Variants in CADPS2 observed in about 807,000 individuals in gnomAD.
CADPS2 encodes the protein calcium-dependent secretion activator 2.
Under a neutral mutation model 172.5 loss-of-function variants are expected in CADPS2, and 93 were observed. The ratio of observed to expected loss-of-function variants is 0.54; its 90% confidence interval spans 0.46 to 0.64. CADPS2 has a LOEUF of 0.64. CADPS2 is among the 30% of genes least tolerant of loss of function. The pLI is 0.00. For missense variants in CADPS2, 1,420 were observed against 1,565.9 expected (o/e 0.91, Z 1.57); for synonymous variants, 546 against 555.2 (o/e 0.98, Z 0.23).
chr7:122,700,800 G>A lies in CADPS2; in HGVS notation c.453+36155C>T, dbSNP rs541636514. ...AGAAAAGAAATCTGCTACCATAGCT[G>A]AGTCACTATGCTAGGATTTAAAGAG... On this transcript the variant is annotated intron_variant, in intron 2 of 29. Transcript: ENST00000449022. Among the ~76,000 whole-genome samples, 358 of 152,242 alleles carry A rather than the reference G, an allele frequency of 2.4e-3. 2 individuals are homozygous for A. The highest frequency in any genetic ancestry group is 6.8e-3 in the Middle Eastern group (2 of 292).
chr7:122,438,530 C>G (rs918251681), intron 16 of CADPS2, 66 bp from the exon 17 acceptor site: 168 of 1,535,436 alleles, frequency 1.1e-4, no homozygotes, highest in Non-Finnish European at 1.5e-4. Flanking sequence ...AGAAAAAAGA[C>G]AGATGTTGCA....
chr7:122,844,760 C>A (rs1222655830), intron 1 of CADPS2, among the ~76,000 whole-genome samples: 1 of 152,092 alleles, frequency 6.6e-6, no homozygotes, highest in Non-Finnish European at 1.5e-5. Flanking sequence ...TCCAGGAAGT[C>A]TGATGTGATT....
At chr7:122,557,110 G>A (rs886457466) in intron 7 of CADPS2, among the ~76,000 whole-genome samples, 3 of 152,098 alleles carry the variant, frequency 2.0e-5, no homozygotes, top group Admixed American at 6.6e-5. Flanking sequence ...CCACAGATAC[G>A]AAATCTTCTG....
At chr7:122,570,591 T>A (rs1223034872) in intron 7 of CADPS2, among the ~76,000 whole-genome samples, 27 of 148,494 alleles carry the variant, frequency 1.8e-4, no homozygotes, top group Non-Finnish European at 3.3e-4. Context: ...CATGTATGTT[T>A]ATTGTGGCAC....
At chr7:122,593,461 C>T (rs1027359342) in intron 6 of CADPS2, among the ~76,000 whole-genome samples, 2 of 151,880 alleles carry the variant, frequency 1.3e-5, no homozygotes, top group African/African-American at 2.4e-5. Flanking sequence ...TGAAAAGACC[C>T]GGGGCGAGCA....
In CADPS2 at chr7:122,572,705, C is replaced by T. The variant is rs951980803; in HGVS notation, c.1335+8474G>A. Among the ~76,000 whole-genome samples, 6 of 152,124 alleles carry T rather than the reference C, an allele frequency of 3.9e-5. No individual in the cohort carries two copies. In the East Asian group the frequency reaches 1.2e-3, roughly 29 times the overall value. On this transcript the variant is annotated intron_variant, in intron 7 of 29. Coordinates refer to ENST00000449022, the MANE Select transcript of CADPS2 (RefSeq NM_017954.11). ...TAGATTTTTATATGGCTATGTTAGG[C>T]AAAACTTGCTTTTCAAGTTTTTCAG... is the stretch of plus-strand genomic sequence containing the variant.
chr7:122,385,079 AG>A (rs1002470935), intron 24 of CADPS2, among the ~76,000 whole-genome samples: 3 of 152,078 alleles, frequency 2.0e-5, no homozygotes, highest in Admixed American at 1.3e-4. Context: ...TAATATTCTC[AG>A]GCAGACAATC....
At chr7:122,843,037 G>GA (rs1173263172) in intron 1 of CADPS2, among the ~76,000 whole-genome samples, 1 of 152,014 alleles carries the variant, frequency 6.6e-6, no homozygotes, top group East Asian at 1.9e-4. Flanking sequence ...AGACACAAGG[G>GA]AAAAAATGCT....
At chr7:122,349,597 G>C (rs973893294) in intron 27 of CADPS2, among the ~76,000 whole-genome samples, 2 of 152,102 alleles carry the variant, frequency 1.3e-5, no homozygotes, top group Non-Finnish European at 2.9e-5. Context: ...AAGAACTATG[G>C]GAGGAAATGA....
chr7:122,587,806 T>C (rs1484570368), intron 6 of CADPS2, among the ~76,000 whole-genome samples: 1 of 152,136 alleles, frequency 6.6e-6, no homozygotes, highest in Non-Finnish European at 1.5e-5. Context: ...TCCACAATGG[T>C]TGAACTAATT....
chr7:122,418,759 G>A (rs1398736433), intron 17 of CADPS2, among the ~76,000 whole-genome samples: 4 of 152,280 alleles, frequency 2.6e-5, no homozygotes, highest in East Asian at 3.9e-4. Context: ...ATGGCTCAGA[G>A]AATGATGATG....
chr7:122,794,330 T>C (rs1485013856), intron 1 of CADPS2, among the ~76,000 whole-genome samples: 1 of 152,130 alleles, frequency 6.6e-6, no homozygotes, highest in Non-Finnish European at 1.5e-5. Flanking sequence ...TCTTGTCTAA[T>C]TGTCTTATTT....
intron 14 of CADPS2, among the ~76,000 whole-genome samples, chr7:122,464,641 T>C (rs1001547074): frequency 2.0e-5 from 3 of 152,170 alleles, no homozygotes; most frequent in African/African-American, 7.2e-5. Context: ...TTCATCTCTT[T>C]ACAAAAACTC....
At chr7:122,827,601 C>T (rs1385567323) in intron 1 of CADPS2, among the ~76,000 whole-genome samples, 1 of 147,666 alleles carries the variant, frequency 6.8e-6, no homozygotes, top group African/African-American at 2.5e-5. Context: ...CATTGCACTC[C>T]AGCCTGGGCA....
chr7:122,879,000 C>T (rs1822108916), intron 1 of CADPS2, among the ~76,000 whole-genome samples: 1 of 152,104 alleles, frequency 6.6e-6, no homozygotes, highest in Non-Finnish European at 1.5e-5. Context: ...TTTTGGGAGG[C>T]TGAGGCGGGC....
chr7:122,687,914 T>C (rs1378420539), intron 2 of CADPS2, among the ~76,000 whole-genome samples: 1 of 152,262 alleles, frequency 6.6e-6, no homozygotes, highest in Non-Finnish European at 1.5e-5. Flanking sequence ...GTTAATTTTT[T>C]ACATTTATCT....
In CADPS2 at chr7:122,508,449, GTTTTTTTTT is replaced by G. The variant is rs1205155217; in HGVS notation, c.1542+4791_1542+4799del. Among the ~76,000 whole-genome samples the G allele has an allele frequency of 9.6e-4, 66 of 68,426 alleles. 1 individual carries two copies. The highest frequency in any genetic ancestry group is 1.8e-3 in the African/African-American group (36 of 19,714). The allele number at this position is 68,426 out of a possible 152,430, so 44.9% of individuals were successfully genotyped here. A position where few individuals can be genotyped will look rare whatever the true frequency, so the allele number is the denominator to read the frequency against. Reference sequence around the variant, plus strand: ...TCCAGTTATTTATTTATTCATTTAAGTTTTTTTTTTTTTTTTTTTTTTTTTTTTTTCTGG... The same window carrying G: ...TCCAGTTATTTATTTATTCATTTAAGTTTTTTTTTTTTTTTTTTTTTCTGG... On this transcript the variant is annotated intron_variant, in intron 9 of 29. Coordinates refer to ENST00000449022, the MANE Select transcript of CADPS2 (RefSeq NM_017954.11).
intron 2 of CADPS2, among the ~76,000 whole-genome samples, chr7:122,676,165 A>C (rs1461045117): frequency 6.6e-6 from 1 of 152,208 alleles, no homozygotes; most frequent in African/African-American, 2.4e-5. Flanking sequence ...TAAATTATTA[A>C]AATATTCTTT....
Position 122,626,158 on chromosome 7 carries a change from T to C in CADPS2, c.867+3090A>G, listed in dbSNP as rs563269157. Among the ~76,000 whole-genome samples, 6 of 151,442 alleles carry C rather than the reference T, an allele frequency of 4.0e-5. No individual in the cohort carries two copies. In the South Asian group the frequency reaches 1.3e-3, roughly 32 times the overall value. On this transcript the variant is annotated intron_variant, in intron 4 of 29. Coordinates refer to ENST00000449022, the MANE Select transcript of CADPS2 (RefSeq NM_017954.11). ...ACAAAGACCAGATCACACAGGACTTTGCAGGCCATTTTAGGAACTTTTCTT... is the reference window on the plus strand; with the variant it reads ...ACAAAGACCAGATCACACAGGACTTCGCAGGCCATTTTAGGAACTTTTCTT...
Sources: allele counts gnomAD v4.1 joint callset (sites outside exome capture counted in the v4.1 genomes callset), GRCh38; gene constraint gnomAD v4.1.1; transcripts MANE v1.5; gene names NCBI Gene and HGNC (gene_info 2026-07-23, HGNC 2026-07-21).